The following LAMA2 variants were observed in gnomAD, a reference collection of about 807,000 sequenced individuals.
The protein encoded by LAMA2 is laminin subunit alpha 2.
LAMA2 carries 269 observed loss-of-function variants against 364.8 expected under a neutral mutation model. That is an observed-to-expected ratio of 0.74 (90% CI 0.67 to 0.82). The LOEUF (loss-of-function observed/expected upper bound fraction) is 0.82, where lower values mean the gene tolerates loss of function less well. Ranked by LOEUF, LAMA2 falls within the 40% of genes least tolerant of loss-of-function variation. LAMA2 has a pLI of 0.00. For synonymous variants in LAMA2, 1,379 were observed against 1,370.6 expected, an observed-to-expected ratio of 1.01 and a Z score of -0.14; for missense variants, 3,807 against 3,873.2, an observed-to-expected ratio of 0.98 and a Z score of 0.45.
Position 129,402,208 on chromosome 6 carries a change from CAAA to C in LAMA2, c.5563-99_5563-97del, listed in dbSNP as rs372396435. The C allele has an allele frequency of 4.3e-3, 1,925 of 445,874 alleles. 6 individuals are homozygous for C. Among genetic ancestry groups the C allele is most frequent in the Admixed American group, 0.041 (921 of 22,516 alleles). 27.6% of individuals were successfully genotyped at this position (445,874 alleles called of 1,614,324 possible). A position where few individuals can be genotyped will look rare whatever the true frequency, so the allele number is the denominator to read the frequency against. ...TGGGTGACAGAGCAAGACTCTGTCT[CAAA>C]AAAAAAAAAAAAAAAACTAAACTAA... On this transcript the variant is annotated intron_variant, in intron 38 of 64. Coordinates refer to ENST00000421865, the MANE Select transcript of LAMA2 (RefSeq NM_000426.4).
intron 4 of LAMA2, among the ~76,000 whole-genome samples, chr6:129,122,243 A>G (rs1460078059): frequency 5.3e-5 from 8 of 152,200 alleles, no homozygotes; most frequent in African/African-American, 1.9e-4. Flanking sequence ...TATGCAATCA[A>G]TATTTATTAG....
At chr6:129,398,394 G>A (rs1779775322) in intron 37 of LAMA2, among the ~76,000 whole-genome samples, 1 of 151,930 alleles carries the variant, frequency 6.6e-6, no homozygotes, top group South Asian at 2.1e-4. Context: ...TTAGTGATGG[G>A]AGTAGCTGAA....
In LAMA2 at chr6:128,908,042, T is replaced by G. The variant is rs1352970023; in HGVS notation, c.112+24685T>G. On this transcript the variant is annotated intron_variant, in intron 1 of 64. Transcript: ENST00000421865. ...TGCTGCTGGATTTGTTTTGCCAGTA[T>G]TTTATTGAGGATTTTTGCATCAATG... Among the ~76,000 whole-genome samples the G allele has an allele frequency of 2.0e-5, 3 of 152,006 alleles. No homozygotes were observed. The South Asian group carries it at 6.3e-4, about 32-fold the overall frequency.
chr6:129,427,466 T>G (rs1781378600), intron 40 of LAMA2, among the ~76,000 whole-genome samples: 1 of 152,130 alleles, frequency 6.6e-6, no homozygotes, highest in African/African-American at 2.4e-5. Context: ...TCTCCTAATT[T>G]CTCCTTTTCC....
intron 1 of LAMA2, among the ~76,000 whole-genome samples, chr6:128,935,435 G>T (rs913113739): frequency 4.6e-5 from 7 of 152,070 alleles, no homozygotes; most frequent in Admixed American, 2.0e-4. Context: ...TGGTGTATAT[G>T]TGCCACATTT....
intron 1 of LAMA2, among the ~76,000 whole-genome samples, chr6:128,926,261 A>T (rs1245894183): frequency 2.1e-5 from 3 of 143,738 alleles, no homozygotes; most frequent in Admixed American, 6.9e-5. Context: ...GACTTCTTTT[A>T]AAAAAAAACT....
At chr6:129,005,298 T>C (rs1784378963) in intron 1 of LAMA2, among the ~76,000 whole-genome samples, 1 of 151,982 alleles carries the variant, frequency 6.6e-6, no homozygotes, top group East Asian at 1.9e-4. Context: ...TCCTTCTTCT[T>C]TATTAGTTTT....
At position 129,176,203 on chromosome 6, in the gene LAMA2, G is replaced by T. The variant is rs900431704; in HGVS notation, c.1307-1503G>T. Reference sequence around the variant, plus strand: ...TCTTTAACCCAAGAGTTATTAAAGAGAAATATTTAGGCATTAATTTTTAGA... The same window carrying T: ...TCTTTAACCCAAGAGTTATTAAAGATAAATATTTAGGCATTAATTTTTAGA... On this transcript the variant is annotated intron_variant, in intron 9 of 64. Coordinates refer to ENST00000421865, the MANE Select transcript of LAMA2 (RefSeq NM_000426.4). Among the ~76,000 whole-genome samples the T allele has an allele frequency of 3.3e-5, 5 of 151,862 alleles. No homozygotes were observed. In the South Asian group the frequency reaches 1.0e-3, roughly 32 times the overall value.
At chr6:129,205,493 T>TATACACAC (rs1343472728) in intron 12 of LAMA2, among the ~76,000 whole-genome samples, 1 of 104,274 alleles carries the variant, frequency 9.6e-6, no homozygotes, top group East Asian at 2.4e-4. Flanking sequence ...TATATATATA[T>TATACACAC]ACACACACAC....
chr6:129,343,145 A>G (rs1776360842), intron 30 of LAMA2, among the ~76,000 whole-genome samples: 1 of 152,066 alleles, frequency 6.6e-6, no homozygotes, highest in African/African-American at 2.4e-5. Flanking sequence ...TTTTGCCCAC[A>G]CTACCTGCAC....
intron 12 of LAMA2, among the ~76,000 whole-genome samples, chr6:129,215,097 T>C (rs758068013): frequency 1.3e-5 from 2 of 152,184 alleles, no homozygotes; most frequent in Non-Finnish European, 2.9e-5. Context: ...AGGAAAGCAA[T>C]TGACTTTTAT....
intron 3 of LAMA2, among the ~76,000 whole-genome samples, chr6:129,092,495 G>A (rs893462339): frequency 6.6e-6 from 1 of 152,186 alleles, no homozygotes; most frequent in Non-Finnish European, 1.5e-5. Context: ...AGAACTGAGA[G>A]TACAGATGAG....
chr6:129,122,401 A>G (rs1776850602), intron 4 of LAMA2, among the ~76,000 whole-genome samples: 1 of 152,164 alleles, frequency 6.6e-6, no homozygotes, highest in Non-Finnish European at 1.5e-5. Context: ...TCATTTTCAC[A>G]AACCATCTTA....
At chr6:128,883,473 A>T in intron 1 of LAMA2, 116 bp downstream of exon 1, 2 of 1,503,520 alleles carry the variant, frequency 1.3e-6, no homozygotes, top group Non-Finnish European at 9.0e-7. Flanking sequence ...GCCTTCAGAG[A>T]GTGCGCTCTG....
intron 56 of LAMA2, among the ~76,000 whole-genome samples, chr6:129,489,122 A>G (rs898229242): frequency 3.3e-5 from 5 of 152,238 alleles, no homozygotes; most frequent in Non-Finnish European, 7.3e-5. Flanking sequence ...AATGTTGATT[A>G]TGATGTATGA....
chr6:129,460,370 A>G (rs1783188842), intron 49 of LAMA2, 46 bp downstream of exon 49: 2 of 1,589,318 alleles, frequency 1.3e-6, no homozygotes, highest in East Asian at 4.5e-5. Flanking sequence ...TGTGCATAAT[A>G]AAAGCTTCGA....
In LAMA2 at chr6:129,408,285, G is replaced by A. The variant is rs1780348387; in HGVS notation, c.5865+4326G>A. Among the ~76,000 whole-genome samples the A allele has an allele frequency of 2.0e-5, 3 of 152,188 alleles. 1 individual carries two copies. In the South Asian group the frequency reaches 6.2e-4, roughly 32 times the overall value. On this transcript the variant is annotated intron_variant, in intron 40 of 64. Transcript: ENST00000421865. ...GAGAACTTTGCCCCAGTCCGGCAAA[G>A]TATTGTCACCTAGTTGGCATTGTAA... is the stretch of plus-strand genomic sequence containing the variant.
chr6:129,169,054 AT>A (rs1779957198), intron 9 of LAMA2, among the ~76,000 whole-genome samples: 1 of 152,038 alleles, frequency 6.6e-6, no homozygotes, highest in Non-Finnish European at 1.5e-5. Flanking sequence ...GCTTAAGGAG[AT>A]TTTGGACTGA....
At chr6:129,335,678 C>T (rs1583521793) in intron 29 of LAMA2, among the ~76,000 whole-genome samples, 1 of 152,140 alleles carries the variant, frequency 6.6e-6, no homozygotes, top group African/African-American at 2.4e-5. Flanking sequence ...CTAGAATTCA[C>T]TATTTTTTGT....
Sources: gnomAD v4.1 joint callset for allele counts (sites outside exome capture counted in the v4.1 genomes callset) on GRCh38, gnomAD v4.1.1 for gene constraint, MANE v1.5 for transcripts, NCBI Gene and HGNC (gene_info 2026-07-23, HGNC 2026-07-21) for gene names.